The following MTA3 variants were observed in gnomAD, a reference collection of about 807,000 sequenced individuals.
MTA3 encodes the protein metastasis-associated protein MTA3.
Under a neutral mutation model 83.5 loss-of-function variants are expected in MTA3, and 34 were observed. The observed-to-expected ratio is 0.41, with a 90% CI of 0.31 to 0.54. The LOEUF is 0.54. MTA3 is among the 20% of genes least tolerant of loss of function. MTA3 has a pLI of 0.33. For synonymous variants in MTA3, 303 were observed against 252.7 expected (o/e 1.20, Z -1.89); for missense variants, 761 against 726.4 (o/e 1.05, Z -0.55).
intron 14 of MTA3, among the ~76,000 whole-genome samples, chr2:42,714,401 A>G (rs1022544464): frequency 2.0e-5 from 3 of 152,152 alleles, no homozygotes. Flanking sequence ...TAAAAAAAAA[A>G]TCATGAGTTT....
chr2:42,513,120 C>G (rs763405956), intron 2 of MTA3, among the ~76,000 whole-genome samples: 1 of 152,184 alleles, frequency 6.6e-6, no homozygotes, highest in Non-Finnish European at 1.5e-5. Context: ...ACTGGGCATA[C>G]GAGAGGCTAG....
chr2:42,712,696 T>A (rs193141303), intron 14 of MTA3: 1 of 152,176 alleles, frequency 6.6e-6, no homozygotes, highest in Admixed American at 6.5e-5. Context: ...TTCTTAAGAT[T>A]TGTGGCCCAA....
chr2:42,668,376 C>CT (rs1690488650), intron 8 of MTA3, among the ~76,000 whole-genome samples: 1 of 152,212 alleles, frequency 6.6e-6, no homozygotes, highest in Non-Finnish European at 1.5e-5. Flanking sequence ...CATAGAGGCC[C>CT]TGTCCTTACT....
chr2:42,599,875 A>C (rs1022041026), intron 3 of MTA3, among the ~76,000 whole-genome samples: 1 of 151,996 alleles, frequency 6.6e-6, no homozygotes, highest in Non-Finnish European at 1.5e-5. Context: ...AGTTAGGGAA[A>C]TGTTTTCCAT....
intron 4 of MTA3, among the ~76,000 whole-genome samples, chr2:42,621,517 C>G (rs1031793480): frequency 6.6e-6 from 1 of 152,218 alleles, no homozygotes; most frequent in African/African-American, 2.4e-5. Flanking sequence ...ATGGAGTCTC[C>G]TATGTCTACT....
At chr2:42,748,306 C>T (rs557009183) in intron 16 of MTA3, among the ~76,000 whole-genome samples, 30 of 151,752 alleles carry the variant, frequency 2.0e-4, no homozygotes, top group Admixed American at 1.2e-3. Context: ...CCTCATGATC[C>T]GCCTGCCTCA....
chr2:42,727,581 G>T (rs1362372165), intron 16 of MTA3, among the ~76,000 whole-genome samples: 1 of 152,188 alleles, frequency 6.6e-6, no homozygotes, highest in African/African-American at 2.4e-5. Flanking sequence ...GCAGCAGGGG[G>T]AGATGGAACT....
chr2:42,503,494 T>A (rs886925286), intron 2 of MTA3, among the ~76,000 whole-genome samples: 3 of 152,176 alleles, frequency 2.0e-5, no homozygotes, highest in Non-Finnish European at 4.4e-5. Context: ...TCAGCCTTGT[T>A]TTACCCAGCT....
chr2:42,682,581 C>G lies in MTA3; in HGVS notation c.883C>G (p.Gln295Glu). The change falls in exon 9 of 17, where the codon CAA (glutamine) becomes GAA (glutamate). Residue 295 changes from glutamine (Q) to glutamate (E), a missense_variant. Transcript: ENST00000405094. Reference protein sequence around the residue: ...KYGKDFNDIRQDFLPWKSLTS... With the variant: ...KYGKDFNDIREDFLPWKSLTS... ...TGGCAAAGACTTCAATGACATACGGCAAGATTTTGTAAGTAGAAAATTATG... is the reference window on the plus strand; with the variant it reads ...TGGCAAAGACTTCAATGACATACGGGAAGATTTTGTAAGTAGAAAATTATG... 6.2e-7 allele frequency: 1 copy of G among 1,609,304 alleles called. No individual in the cohort carries two copies. The highest frequency in any genetic ancestry group is 1.1e-5 in the South Asian group (1 of 89,926).
chr2:42,502,686 AC>A (rs1674448080), intron 2 of MTA3, among the ~76,000 whole-genome samples: 1 of 151,186 alleles, frequency 6.6e-6, no homozygotes, highest in East Asian at 2.0e-4. Flanking sequence ...AATCCCAGTC[AC>A]TCAGGAGGCT....
rs1163539690 is a variant in MTA3, at chr2:42,695,809, G to A, written c.936G>A (p.Met312Ile). Residue 312 changes from methionine to isoleucine, a missense_variant, in exon 10 of 17, where the codon ATG becomes ATA. Transcript: ENST00000405094. The part of the protein sequence containing the change: ...SLTSIIEYYY[M>I]WKTTDRYVQQ... ...CTAGCATCATTGAATATTATTACAT[G>A]TGGAAAACTACTGACAGATATGTGC... 5 of 1,579,378 alleles carry A rather than the reference G, an allele frequency of 3.2e-6. No homozygotes were observed. Among genetic ancestry groups the A allele is most frequent in the Non-Finnish European group, 1.7e-6 (2 of 1,163,434 alleles).
chr2:42,525,629 T>C (rs140524503), intron 2 of MTA3, among the ~76,000 whole-genome samples: 9 of 99,614 alleles, frequency 9.0e-5, no homozygotes, highest in South Asian at 7.5e-4. Flanking sequence ...CTTCCTACTT[T>C]CTTTCTTTCT....
intron 3 of MTA3, among the ~76,000 whole-genome samples, chr2:42,596,075 T>C (rs1306355021): frequency 6.6e-6 from 1 of 152,260 alleles, no homozygotes; most frequent in East Asian, 1.9e-4. Flanking sequence ...TTCTTATTTC[T>C]AATTTTGTAC....
At chr2:42,724,275 A>AAC (rs35605506) in intron 16 of MTA3, among the ~76,000 whole-genome samples, 1 of 82,184 alleles carries the variant, frequency 1.2e-5, no homozygotes, top group African/African-American at 4.2e-5. Context: ...TAAGTCCTGA[A>AAC]AAACACACAC....
intron 2 of MTA3, among the ~76,000 whole-genome samples, chr2:42,533,768 G>A (rs1322356933): frequency 6.7e-6 from 1 of 149,312 alleles, no homozygotes; most frequent in Admixed American, 6.6e-5. Context: ...AGAGGCCGAG[G>A]GTGCAGTGAG....
intron 3 of MTA3, among the ~76,000 whole-genome samples, chr2:42,597,784 G>C (rs545518537): frequency 6.7e-5 from 10 of 149,206 alleles, no homozygotes; most frequent in Admixed American, 6.1e-4. Context: ...AGGCTCAACT[G>C]ATCCTCCTGC....
intron 2 of MTA3, among the ~76,000 whole-genome samples, chr2:42,556,728 C>T (rs1677410187): frequency 6.6e-6 from 1 of 152,252 alleles, no homozygotes; most frequent in East Asian, 1.9e-4. Context: ...CCATGCCAGC[C>T]CAGATCTGAG....
At chr2:42,571,100 A>G (rs1317372710) in intron 2 of MTA3, among the ~76,000 whole-genome samples, 4 of 152,194 alleles carry the variant, frequency 2.6e-5, no homozygotes, top group African/African-American at 9.6e-5. Context: ...TCTTTGAAAG[A>G]TGAGATTTTA....
chr2:42,650,432 G>GT (rs1688604253), intron 6 of MTA3, among the ~76,000 whole-genome samples: 1 of 151,668 alleles, frequency 6.6e-6, no homozygotes, highest in East Asian at 1.9e-4. Context: ...TTTGTTTGGG[G>GT]TTTTTTTGTT....
Sources: gnomAD v4.1 joint callset for allele counts (sites outside exome capture counted in the v4.1 genomes callset) on GRCh38, gnomAD v4.1.1 for gene constraint, MANE v1.5 for transcripts, NCBI Gene and HGNC (gene_info 2026-07-23, HGNC 2026-07-21) for gene names.